KIAA1549L: variants seen among roughly 807,000 people sequenced by gnomAD.
KIAA1549L encodes the protein KIAA1549 like.
Under a neutral mutation model 160.7 loss-of-function variants are expected in KIAA1549L, and 88 were observed. The ratio of observed to expected loss-of-function variants is 0.55; its 90% confidence interval spans 0.46 to 0.65. The LOEUF (loss-of-function observed/expected upper bound fraction) is 0.65. Among genes scored for constraint, KIAA1549L ranks in the 30% least tolerant of loss-of-function variants. The probability of loss-of-function intolerance (pLI) is 0.00; values close to 1 mark genes in which losing one functional copy is unlikely to be tolerated. For synonymous variants in KIAA1549L, 950 were observed against 976.7 expected (o/e 0.97, Z 0.51); for missense variants, 2,258 against 2,437.5 (o/e 0.93, Z 1.55).
At chr11:33,641,713 T>A (rs1477023407) in intron 16 of KIAA1549L, among the ~76,000 whole-genome samples, 1 of 149,276 alleles carries the variant, frequency 6.7e-6, no homozygotes, top group Non-Finnish European at 1.5e-5. Context: ...GGGGAACACA[T>A]TTGTCTTTCA....
At chr11:33,602,165 C>G (rs1008163156) in intron 13 of KIAA1549L, among the ~76,000 whole-genome samples, 1 of 152,146 alleles carries the variant, frequency 6.6e-6, no homozygotes, top group African/African-American at 2.4e-5. Flanking sequence ...AGAGAATTCA[C>G]TGGTAGGGCT....
At chr11:33,408,671 G>T (rs1565124567) in intron 1 of KIAA1549L, among the ~76,000 whole-genome samples, 1 of 149,780 alleles carries the variant, frequency 6.7e-6, no homozygotes, top group Non-Finnish European at 1.5e-5. Context: ...GGAGTTGGTT[G>T]TCTCATTTCT....
rs193242358 is a variant in KIAA1549L at position 33,465,720 on chromosome 11, C to G, written c.239-76082C>G. On this transcript the variant is annotated intron_variant, in intron 1 of 20. Transcript: ENST00000658780. Reference sequence around the variant, plus strand: ...CTACAACCATCGGATCTTCGACAAACCTGACAAAAACAAGCAATGGAGAAA... The same window carrying G: ...CTACAACCATCGGATCTTCGACAAAGCTGACAAAAACAAGCAATGGAGAAA... Among the ~76,000 whole-genome samples, 400 of 152,234 alleles carry G rather than the reference C, an allele frequency of 2.6e-3. 1 individual carries two copies. Among genetic ancestry groups the G allele is most frequent in the African/African-American group, 9.3e-3 (388 of 41,540 alleles).
At chr11:33,525,100 A>G (rs1215793660) in intron 1 of KIAA1549L, among the ~76,000 whole-genome samples, 3 of 152,206 alleles carry the variant, frequency 2.0e-5, no homozygotes, top group Non-Finnish European at 4.4e-5. Context: ...GGATGGACAG[A>G]ACAGTGTGTG....
intron 1 of KIAA1549L, among the ~76,000 whole-genome samples, chr11:33,529,452 A>G (rs1853688726): frequency 6.6e-6 from 1 of 152,250 alleles, no homozygotes; most frequent in Non-Finnish European, 1.5e-5. Flanking sequence ...GACTGCTGAC[A>G]TATACCAAGT....
chr11:33,650,154 A>G (rs1851844659), intron 17 of KIAA1549L, among the ~76,000 whole-genome samples: 2 of 152,194 alleles, frequency 1.3e-5, no homozygotes, highest in Non-Finnish European at 2.9e-5. Context: ...GCTGGACCAG[A>G]TATGATTCTA....
chr11:33,545,116 C>G lies in KIAA1549L; in HGVS notation c.3123C>G (p.Leu1041=). 1 of 1,614,010 alleles carries G rather than the reference C, an allele frequency of 6.2e-7. No homozygotes were observed. Among genetic ancestry groups the G allele is most frequent in the Non-Finnish European group, 8.5e-7 (1 of 1,179,890 alleles). ...CTGGCCTGTTGTCTACAACTTACCT[C>G]CCCAGGAAACCACAAGCCATGCACA... is the stretch of plus-strand genomic sequence containing the variant. ...TASGLLSTTY[L]PRKPQAMHTG... is the part of the protein sequence containing the mutation. Residue 1041 remains leucine, a synonymous_variant, in exon 3 of 21, where the codon CTC becomes CTG. Transcript: ENST00000658780.
intron 6 of KIAA1549L, among the ~76,000 whole-genome samples, chr11:33,555,449 G>A (rs907861677): frequency 4.6e-5 from 7 of 152,172 alleles, no homozygotes; most frequent in Admixed American, 4.6e-4. Context: ...TGTAGTGCTG[G>A]CATAAAGGCA....
chr11:33,666,335 G>T (rs1470571907), intron 20 of KIAA1549L, among the ~76,000 whole-genome samples: 2 of 152,206 alleles, frequency 1.3e-5, no homozygotes, highest in Non-Finnish European at 2.9e-5. Flanking sequence ...CAGTATGATG[G>T]CAGCAGCCTC....
intron 1 of KIAA1549L, among the ~76,000 whole-genome samples, chr11:33,484,145 G>A (rs533188145): frequency 3.7e-4 from 56 of 151,950 alleles, no homozygotes; most frequent in African/African-American, 1.2e-3. Flanking sequence ...TTGTTATTTC[G>A]TCTTTAAACT....
intron 1 of KIAA1549L, among the ~76,000 whole-genome samples, chr11:33,432,439 GT>G (rs1289829735): frequency 1.3e-5 from 2 of 152,072 alleles, no homozygotes; most frequent in African/African-American, 4.8e-5. Context: ...ATGGATATGG[GT>G]TTTTTTTTCT....
chr11:33,459,682 C>A (rs577985469), intron 1 of KIAA1549L, among the ~76,000 whole-genome samples: 1 of 152,232 alleles, frequency 6.6e-6, no homozygotes, highest in Admixed American at 6.5e-5. Flanking sequence ...CTTCATCGGG[C>A]CGGGCGCGGT....
At chr11:33,618,119 G>T (rs1486263086) in intron 15 of KIAA1549L, among the ~76,000 whole-genome samples, 5 of 152,210 alleles carry the variant, frequency 3.3e-5, no homozygotes, top group African/African-American at 1.2e-4. Context: ...ATAGAATCCT[G>T]CGTGTGAAAC....
At chr11:33,622,050 A>G (rs1261335924) in intron 16 of KIAA1549L, among the ~76,000 whole-genome samples, 1 of 152,168 alleles carries the variant, frequency 6.6e-6, no homozygotes, top group African/African-American at 2.4e-5. Context: ...AGACCCTAAA[A>G]TGTGGGCAGT....
At chr11:33,618,820 G>A (rs78390056) in intron 16 of KIAA1549L, among the ~76,000 whole-genome samples, 158 bp downstream of exon 16, 4,939 of 152,314 alleles carry the variant, frequency 0.032, 103 homozygotes, top group Non-Finnish European at 0.05. Flanking sequence ...TGCAAAGTAG[G>A]ACTACTTGGA....
At chr11:33,561,092 T>TA (rs1854843263) in intron 7 of KIAA1549L, among the ~76,000 whole-genome samples, 1 of 152,166 alleles carries the variant, frequency 6.6e-6, no homozygotes, top group Non-Finnish European at 1.5e-5. Context: ...TGTAAAGAAA[T>TA]ATGGGCCTTT....
At position 33,673,076 on chromosome 11, in the gene KIAA1549L, G is replaced by A. The variant is rs1423174179; in HGVS notation, c.*4922G>A. On this transcript the variant is annotated 3_prime_UTR_variant, in exon 21 of 21. Transcript: ENST00000658780. ...GTGAACTGTTACAGAATCCTAGCCTGTGGTAAATGCTAAAATGTAAGGTGT... is the reference window on the plus strand; with the variant it reads ...GTGAACTGTTACAGAATCCTAGCCTATGGTAAATGCTAAAATGTAAGGTGT... The A allele has an allele frequency of 2.0e-5, 3 of 152,194 alleles. No individual in the cohort carries two copies. In the South Asian group the frequency reaches 6.2e-4, roughly 31 times the overall value. The allele number at this position is 152,194 out of a possible 1,614,324, so 9.4% of individuals were successfully genotyped here.
At chr11:33,602,429 A>G (rs1850388836) in intron 13 of KIAA1549L, among the ~76,000 whole-genome samples, 2 of 152,238 alleles carry the variant, frequency 1.3e-5, no homozygotes, top group South Asian at 4.1e-4. Context: ...TAATGATGCT[A>G]TTATAGATTG....
chr11:33,560,723 T>A (rs1273251238), intron 7 of KIAA1549L, among the ~76,000 whole-genome samples: 1 of 152,230 alleles, frequency 6.6e-6, no homozygotes, highest in Non-Finnish European at 1.5e-5. Context: ...GTTTATTTTT[T>A]AATACATATT....
Sources: gnomAD v4.1 joint callset for allele counts (sites outside exome capture counted in the v4.1 genomes callset) on GRCh38, gnomAD v4.1.1 for gene constraint, MANE v1.5 for transcripts, NCBI Gene and HGNC (gene_info 2026-07-23, HGNC 2026-07-21) for gene names.